GNA14: variants seen among roughly 807,000 people sequenced by gnomAD.
The protein encoded by GNA14 is guanine nucleotide-binding protein subunit alpha-14.
Under a neutral mutation model 42.0 loss-of-function variants are expected in GNA14, and 50 were observed. The ratio of observed to expected loss-of-function variants is 1.19; its 90% confidence interval spans 0.95 to 1.51. The LOEUF is 1.51. GNA14 is among the 40% of genes most tolerant of loss of function. The pLI is 0.00. For synonymous variants in GNA14, 173 were observed against 163.1 expected, an observed-to-expected ratio of 1.06 and a Z score of -0.46; for missense variants, 473 against 446.2, an observed-to-expected ratio of 1.06 and a Z score of -0.54.
intron 1 of GNA14, among the ~76,000 whole-genome samples, chr9:77,571,848 A>G (rs892808696): frequency 6.6e-6 from 1 of 151,984 alleles, no homozygotes; most frequent in East Asian, 1.9e-4. Context: ...TAATTTTTAT[A>G]TTAAGTGTAT....
At chr9:77,431,204 G>C in intron 4 of GNA14, 117 bp downstream of exon 4, 1 of 892,090 alleles carries the variant, frequency 1.1e-6, no homozygotes, top group Non-Finnish European at 1.7e-6. Context: ...TTGGCAGAGA[G>C]GGTCACTCTG....
At chr9:77,547,366 C>T (rs1287513591) in intron 1 of GNA14, among the ~76,000 whole-genome samples, 2 of 152,104 alleles carry the variant, frequency 1.3e-5, no homozygotes, top group Admixed American at 6.5e-5. Context: ...TCTTCAAAGG[C>T]TGTAATTAAA....
intron 1 of GNA14, among the ~76,000 whole-genome samples, chr9:77,558,784 C>T (rs1280264815): frequency 6.6e-6 from 1 of 152,064 alleles, no homozygotes; most frequent in East Asian, 1.9e-4. Context: ...AAAAGTATGA[C>T]AGATAATAAT....
chr9:77,627,065 C>A (rs1824023199), intron 1 of GNA14, among the ~76,000 whole-genome samples: 1 of 152,140 alleles, frequency 6.6e-6, no homozygotes, highest in African/African-American at 2.4e-5. Flanking sequence ...CTACTGATCC[C>A]ACAGAAATAC....
chr9:77,601,752 T>C (rs555675908), intron 1 of GNA14, among the ~76,000 whole-genome samples: 1 of 152,122 alleles, frequency 6.6e-6, no homozygotes, highest in Non-Finnish European at 1.5e-5. Context: ...TCCCGGGCAG[T>C]GGGCAGTCCC....
intron 2 of GNA14, among the ~76,000 whole-genome samples, chr9:77,464,353 G>A (rs138055214): frequency 0.016 from 325 of 20,702 alleles, 3 homozygotes; most frequent in African/African-American, 0.049. Context: ...GTGTGTATAT[G>A]TGTGTGTGTG....
chr9:77,484,733 T>G (rs1426832077), intron 2 of GNA14, among the ~76,000 whole-genome samples: 1 of 152,186 alleles, frequency 6.6e-6, no homozygotes, highest in African/African-American at 2.4e-5. Flanking sequence ...AGAGACATTA[T>G]GAATTTGGTT....
intron 2 of GNA14, among the ~76,000 whole-genome samples, chr9:77,494,612 TTTAG>T (rs1363987294): frequency 6.6e-6 from 1 of 152,168 alleles, no homozygotes; most frequent in Non-Finnish European, 1.5e-5. Flanking sequence ...ATATTTAACA[TTTAG>T]TTAAATCCCA....
intron 2 of GNA14, among the ~76,000 whole-genome samples, chr9:77,513,064 G>A (rs919474583): frequency 1.1e-4 from 16 of 152,180 alleles, no homozygotes; most frequent in African/African-American, 2.9e-4. Context: ...GACCCCTTGT[G>A]TAAATATTGA....
chr9:77,436,283 A>C (rs1161825169), intron 2 of GNA14, among the ~76,000 whole-genome samples: 1 of 152,186 alleles, frequency 6.6e-6, no homozygotes, highest in Non-Finnish European at 1.5e-5. Context: ...CCTGAGTTCT[A>C]AACAGTGTAG....
intron 2 of GNA14, among the ~76,000 whole-genome samples, chr9:77,495,854 A>G (rs970718738): frequency 7.2e-5 from 11 of 152,228 alleles, no homozygotes; most frequent in African/African-American, 2.4e-4. Flanking sequence ...GAGCTAACCT[A>G]GCCAAACACT....
intron 2 of GNA14, among the ~76,000 whole-genome samples, chr9:77,519,886 T>A (rs544758840): frequency 6.6e-6 from 1 of 152,132 alleles, no homozygotes; most frequent in Non-Finnish European, 1.5e-5. Flanking sequence ...GGTATATGCC[T>A]GTAATCCCAG....
intron 2 of GNA14, among the ~76,000 whole-genome samples, chr9:77,522,897 G>A (rs912303244): frequency 4.3e-4 from 65 of 152,312 alleles, no homozygotes; most frequent in African/African-American, 1.5e-3. Context: ...CCCAAGTGTA[G>A]GACCTGCAAA....
intron 1 of GNA14, among the ~76,000 whole-genome samples, chr9:77,553,133 A>T (rs1209729364): frequency 3.9e-5 from 6 of 152,358 alleles, no homozygotes; most frequent in Admixed American, 3.9e-4. Context: ...AGCTTCATAA[A>T]TATTGATCAT....
chr9:77,644,917 C>CT (rs1824330563), intron 1 of GNA14, among the ~76,000 whole-genome samples: 1 of 152,180 alleles, frequency 6.6e-6, no homozygotes, highest in Admixed American at 6.5e-5. Context: ...TTTTGTCCTA[C>CT]TTTTATGCAA....
chr9:77,463,444 C>T (rs955042940), intron 2 of GNA14, among the ~76,000 whole-genome samples: 2 of 152,242 alleles, frequency 1.3e-5, no homozygotes, highest in African/African-American at 4.8e-5. Context: ...AGTTCTCAGA[C>T]AGATGCTAAC....
At chr9:77,506,516 A>C (rs1459053768) in intron 2 of GNA14, among the ~76,000 whole-genome samples, 1 of 151,928 alleles carries the variant, frequency 6.6e-6, no homozygotes, top group South Asian at 2.1e-4. Context: ...ATCTCTACTA[A>C]AAATACAAAA....
chr9:77,486,268 C>A (rs1446207599), intron 2 of GNA14, among the ~76,000 whole-genome samples: 1 of 152,180 alleles, frequency 6.6e-6, no homozygotes, highest in African/African-American at 2.4e-5. Flanking sequence ...ATGAACCAAC[C>A]TCTTCTCACT....
At chr9:77,479,487 G>C (rs1033173231) in intron 2 of GNA14, among the ~76,000 whole-genome samples, 13 of 152,184 alleles carry the variant, frequency 8.5e-5, no homozygotes, top group Non-Finnish European at 4.4e-5. Context: ...TTTGGCTTAG[G>C]ATTGACTTGG....
Sources: allele counts gnomAD v4.1 joint callset (sites outside exome capture counted in the v4.1 genomes callset), GRCh38; gene constraint gnomAD v4.1.1; transcripts MANE v1.5; gene names NCBI Gene and HGNC (gene_info 2026-07-23, HGNC 2026-07-21).